SNX1: variants seen among roughly 807,000 people sequenced by gnomAD.
SNX1 encodes sorting nexin 1, also known as sorting nexin-1.
In SNX1, 36 loss-of-function variants were observed where a neutral mutation model predicts 71.8. The ratio of observed to expected loss-of-function variants is 0.50; its 90% CI spans 0.38 to 0.66. The LOEUF (loss-of-function observed/expected upper bound fraction) is 0.66, where lower values mean the gene tolerates loss of function less well. Ranked by LOEUF, SNX1 falls within the 30% of genes least tolerant of loss-of-function variation. SNX1 has a pLI of 0.00. For synonymous variants in SNX1, 254 were observed against 240.7 expected (o/e 1.06, Z -0.51); for missense variants, 612 against 646.7 (o/e 0.95, Z 0.58).
Position 64,118,906 on chromosome 15 carries a change from A to G in SNX1, c.466+52A>G, listed in dbSNP as rs182840230. 393 of 1,411,514 alleles carry G rather than the reference A, an allele frequency of 2.8e-4. No homozygotes were observed. The African/African-American group carries it at 4.9e-3, about 18-fold the overall frequency. 87.4% of individuals were successfully genotyped at this position (1,411,514 alleles called of 1,614,324 possible). A position where few individuals can be genotyped will look rare whatever the true frequency, so the allele number is the denominator to read the frequency against. Reference sequence around the variant, plus strand: ...ATGTTAGGATGTGGCTGTGGAAAGCATAGGTAGCTAATTTCAGGATGGCTA... The same window carrying G: ...ATGTTAGGATGTGGCTGTGGAAAGCGTAGGTAGCTAATTTCAGGATGGCTA... On this transcript the variant is annotated intron_variant, in intron 4 of 14. Coordinates refer to ENST00000559844, the MANE Select transcript of SNX1 (RefSeq NM_003099.5).
At chr15:64,128,566 A>G (rs2081276362) in intron 8 of SNX1, among the ~76,000 whole-genome samples, 1 of 152,200 alleles carries the variant, frequency 6.6e-6, no homozygotes, top group Non-Finnish European at 1.5e-5. Flanking sequence ...TGTATGTAGT[A>G]TGTGTTACTC....
At chr15:64,122,797 T>A (rs565571734) in intron 4 of SNX1, among the ~76,000 whole-genome samples, 2 of 152,300 alleles carry the variant, frequency 1.3e-5, no homozygotes, top group Admixed American at 1.3e-4. Context: ...TTTATCTCCT[T>A]AAGTGGTCTA....
chr15:64,138,360 C>G lies in SNX1; in HGVS notation c.*742C>G. On this transcript the variant is annotated 3_prime_UTR_variant, in exon 15 of 15. Transcript: ENST00000559844. ...TTTTTTTGGTGTCCCTATCATTAAG[C>G]AAGAGCCTTTCTCTTTTATTCTTCC... is the stretch of plus-strand genomic sequence containing the variant. 3.4e-6 allele frequency: 2 copies of G among 594,586 alleles called. No homozygotes were observed. The allele number at this position is 594,586 out of a possible 1,614,324, so 36.8% of individuals were successfully genotyped here. A position where few individuals can be genotyped will look rare whatever the true frequency, so the allele number is the denominator to read the frequency against.
intron 5 of SNX1, among the ~76,000 whole-genome samples, 197 bp from the exon 6 acceptor site, chr15:64,125,882 C>T (rs2081246711): frequency 6.6e-6 from 1 of 152,050 alleles, no homozygotes; most frequent in Non-Finnish European, 1.5e-5. Context: ...GAGAAGAGCT[C>T]CTTAGGCTCC....
intron 2 of SNX1, 118 bp from the exon 3 acceptor site, chr15:64,117,999 A>G (rs919534329): frequency 9.6e-6 from 9 of 937,662 alleles, no homozygotes; most frequent in African/African-American, 3.4e-5. Context: ...CTTTCAGTCT[A>G]AGAGCCTCTA....
rs1358954364 is a variant in SNX1 at position 64,143,926 on chromosome 15, A to G, written c.*6308A>G. 6.6e-6 allele frequency: 1 copy of G among 152,252 alleles called. No individual in the cohort carries two copies. The highest frequency in any genetic ancestry group is 1.5e-5 in the Non-Finnish European group (1 of 68,044). 9.4% of individuals were successfully genotyped at this position (152,252 alleles called of 1,614,324 possible). Reference sequence around the variant, plus strand: ...CCATCAGGAGGGGATTAAATGAATTATGGTACAGTTACACCGTTGAATATT... The same window carrying G: ...CCATCAGGAGGGGATTAAATGAATTGTGGTACAGTTACACCGTTGAATATT... On this transcript the variant is annotated 3_prime_UTR_variant, in exon 15 of 15. Coordinates refer to ENST00000559844, the MANE Select transcript of SNX1 (RefSeq NM_003099.5).
In SNX1 at chr15:64,143,546, T is replaced by A. The variant is rs1260029322; in HGVS notation, c.*5928T>A. On this transcript the variant is annotated 3_prime_UTR_variant, in exon 15 of 15. Coordinates refer to ENST00000559844, the MANE Select transcript of SNX1 (RefSeq NM_003099.5). ...GACCCAGCTCACCTTTCCCTCTTTA[T>A]CTCCCAGTCCTTCCCAACAGCGCCG... The A allele has an allele frequency of 6.6e-6, 1 of 152,202 alleles. No homozygotes were observed. The highest frequency in any genetic ancestry group is 1.5e-5 in the Non-Finnish European group (1 of 68,046). 9.4% of individuals were successfully genotyped at this position (152,202 alleles called of 1,614,324 possible).
chr15:64,131,209 G>A (rs1055681438), intron 10 of SNX1, among the ~76,000 whole-genome samples: 36 of 152,136 alleles, frequency 2.4e-4, no homozygotes, highest in African/African-American at 7.7e-4. Context: ...CTTGAACCCG[G>A]GAGGCGGAGG....
chr15:64,105,864 T>C (rs1034393343), intron 1 of SNX1, among the ~76,000 whole-genome samples: 6 of 152,204 alleles, frequency 3.9e-5, no homozygotes, highest in African/African-American at 1.4e-4. Context: ...CCATTTTCAT[T>C]AGTCCCTCTA....
At chr15:64,115,437 C>G (rs2081118916) in intron 2 of SNX1, among the ~76,000 whole-genome samples, 1 of 152,290 alleles carries the variant, frequency 6.6e-6, no homozygotes, top group South Asian at 2.1e-4. Context: ...ATCAGAGTCT[C>G]TCATGGAGCC....
At chr15:64,100,430 T>G (rs749736446) in intron 1 of SNX1, among the ~76,000 whole-genome samples, 1 of 151,834 alleles carries the variant, frequency 6.6e-6, no homozygotes, top group Non-Finnish European at 1.5e-5. Flanking sequence ...TGAAACCCTG[T>G]TTCTACTAAA....
intron 2 of SNX1, among the ~76,000 whole-genome samples, chr15:64,117,281 G>A (rs928784243): frequency 1.3e-5 from 2 of 152,006 alleles, no homozygotes; most frequent in Non-Finnish European, 2.9e-5. Context: ...TGGAGACAGA[G>A]TCTCCCTCTG....
At chr15:64,126,754 A>G (rs988512128) in intron 6 of SNX1, among the ~76,000 whole-genome samples, 1 of 151,892 alleles carries the variant, frequency 6.6e-6, no homozygotes, top group African/African-American at 2.4e-5. Context: ...TAATTTTTGT[A>G]TTTTTAGTAG....
In SNX1 at chr15:64,142,063, GCA is replaced by G. The variant is rs2081419024; in HGVS notation, c.*4448_*4449del. On this transcript the variant is annotated 3_prime_UTR_variant, in exon 15 of 15. Coordinates refer to ENST00000559844, the MANE Select transcript of SNX1 (RefSeq NM_003099.5). ...GTTTTAAGAAGCGGCTCTGGGCCAG[GCA>G]CAGTGGCTTATGCCTGTATTCCTAG... The G allele has an allele frequency of 6.5e-6, 1 of 153,234 alleles. No individual in the cohort carries two copies. Among genetic ancestry groups the G allele is most frequent in the Admixed American group, 6.5e-5 (1 of 15,358 alleles). The allele number at this position is 153,234 out of a possible 1,614,324, so 9.5% of individuals were successfully genotyped here.
rs1322928583 is a variant in SNX1 at position 64,142,885 on chromosome 15, C to T, written c.*5267C>T. The T allele has an allele frequency of 6.6e-6, 2 of 303,652 alleles. No individual in the cohort carries two copies. The highest frequency in any genetic ancestry group is 4.4e-5 in the African/African-American group (2 of 45,112). The allele number at this position is 303,652 out of a possible 1,614,324, so 18.8% of individuals were successfully genotyped here. A position where few individuals can be genotyped will look rare whatever the true frequency, so the allele number is the denominator to read the frequency against. On this transcript the variant is annotated 3_prime_UTR_variant, in exon 15 of 15. Transcript: ENST00000559844. ...CAGAAGATTTTCATTCTGAATGCTCCTGTAGCTAGGAACCCTAAAAAGTCT... is the reference window on the plus strand; with the variant it reads ...CAGAAGATTTTCATTCTGAATGCTCTTGTAGCTAGGAACCCTAAAAAGTCT...
intron 2 of SNX1, among the ~76,000 whole-genome samples, chr15:64,114,587 A>G (rs2081110082): frequency 6.6e-6 from 1 of 152,212 alleles, no homozygotes; most frequent in Non-Finnish European, 1.5e-5. Context: ...TATGGGAATC[A>G]TCTTTCTAGA....
chr15:64,120,266 CTTTTTTTTTT>C (rs35526278), intron 4 of SNX1, among the ~76,000 whole-genome samples: 1 of 67,090 alleles, frequency 1.5e-5, no homozygotes, highest in Non-Finnish European at 2.8e-5. Flanking sequence ...AAATGGTTGT[CTTTTTTTTTT>C]TTTTTTTTTT....
chr15:64,126,720 C>T (rs1335320779), intron 6 of SNX1, among the ~76,000 whole-genome samples: 1 of 152,162 alleles, frequency 6.6e-6, no homozygotes, highest in Non-Finnish European at 1.5e-5. Context: ...GCTGGGACTA[C>T]AGGTGCCCGC....
intron 1 of SNX1, among the ~76,000 whole-genome samples, chr15:64,096,806 C>G (rs1345233554): frequency 6.6e-6 from 1 of 152,172 alleles, no homozygotes; most frequent in Non-Finnish European, 1.5e-5. Context: ...GTTCAAGTGC[C>G]CACGTACCTC....
Sources: allele counts gnomAD v4.1 joint callset (sites outside exome capture counted in the v4.1 genomes callset), GRCh38; gene constraint gnomAD v4.1.1; transcripts MANE v1.5; gene names NCBI Gene and HGNC (gene_info 2026-07-23, HGNC 2026-07-21).